Variants in KLF11 observed in about 807,000 individuals in gnomAD.
The protein encoded by KLF11 is Krueppel-like factor 11.
In KLF11, 26 loss-of-function variants were observed where a neutral mutation model predicts 29.9. The observed-to-expected ratio is 0.87, with a 90% CI of 0.64 to 1.21. The LOEUF (loss-of-function observed/expected upper bound fraction) is 1.21, where lower values mean the gene tolerates loss of function less well. Ranked by LOEUF, KLF11 falls within the 50% of genes most tolerant of loss-of-function variation. The pLI is 0.00. For missense variants in KLF11, 778 were observed against 665.7 expected, an observed-to-expected ratio of 1.17 and a Z score of -1.86; for synonymous variants, 318 against 257.4, an observed-to-expected ratio of 1.24 and a Z score of -2.25.
rs761022099 is a variant in KLF11 at position 10,048,586 on chromosome 2, A to G, written c.1249A>G (p.Thr417Ala). The G allele has an allele frequency of 1.2e-6, 2 of 1,601,764 alleles. No individual in the cohort carries two copies. Among genetic ancestry groups the G allele is most frequent in the Admixed American group, 3.3e-5 (2 of 60,016 alleles). ...TTCCCACCTTAAGGCCCATCTTCGC[A>G]CTCACACAGGTAAGCGCTGGGGCAG... ...KSSHLKAHLR[T>A]HTGEKPFNCS... The change falls in exon 3 of 4, where the codon ACT (threonine) becomes GCT (alanine). Residue 417 changes from threonine to alanine, a missense_variant. Thr to Ala is a moderately conservative substitution (Grantham distance 58, BLOSUM62 0). Coordinates refer to ENST00000305883, the MANE Select transcript of KLF11 (RefSeq NM_003597.5).
At position 10,046,252 on chromosome 2, in the gene KLF11, G is replaced by T; in HGVS notation, c.145G>T (p.Glu49Ter). 1 of 1,614,152 alleles carries T rather than the reference G, an allele frequency of 6.2e-7. No individual in the cohort carries two copies. The highest frequency in any genetic ancestry group is 8.5e-7 in the Non-Finnish European group (1 of 1,180,026). ...GGAGCAGACAGACATGGAAGCTGTC[G>T]AGGCTCTTGTTTGTATGAGCTCCTG... The part of the protein sequence containing the change: ...ILEQTDMEAV[E>*]ALVCMSSWGQ... Residue 49 changes from glutamate to a stop codon, truncating the protein, a stop_gained, in exon 2 of 4, where the codon GAG becomes TAG. Transcript: ENST00000305883. LOFTEE classifies it high-confidence loss of function.
intron 3 of KLF11, among the ~76,000 whole-genome samples, chr2:10,049,744 CTT>C (rs903807832): frequency 1.3e-5 from 2 of 152,222 alleles, no homozygotes; most frequent in African/African-American, 4.8e-5. Flanking sequence ...TATAGTCTCC[CTT>C]TGTTTTTTAG....
rs142970758 is a variant in KLF11 at position 10,052,362 on chromosome 2, G to A, written c.1394G>A (p.Arg465His). The A allele has an allele frequency of 1.1e-5, 18 of 1,613,940 alleles. No homozygotes were observed. Among genetic ancestry groups the A allele is most frequent in the Non-Finnish European group, 1.4e-5 (16 of 1,180,032 alleles). The stretch of plus-strand genomic sequence containing the variant: ...CCGGTGTGTGACCGACGTTTCATGC[G>A]CAGTGACCACCTGACGAAGCATGCC... ...VCPVCDRRFM[R>H]SDHLTKHARR... Residue 465 changes from arginine (R) to histidine (H), a missense_variant, in exon 4 of 4, where the codon CGC (arginine) becomes CAC (histidine). Coordinates refer to ENST00000305883, the MANE Select transcript of KLF11 (RefSeq NM_003597.5).
At chr2:10,050,856 T>C (rs566880053) in intron 3 of KLF11, among the ~76,000 whole-genome samples, 2 of 146,484 alleles carry the variant, frequency 1.4e-5, no homozygotes, top group African/African-American at 4.9e-5. Context: ...CTGAAAAATA[T>C]TTAAATTGGA....
chr2:10,048,249 G>T lies in KLF11; in HGVS notation c.912G>T (p.Lys304Asn), dbSNP rs1661283888. The change falls in exon 3 of 4, where the codon AAG becomes AAT. Residue 304 changes from lysine to asparagine, a missense_variant. Coordinates refer to ENST00000305883, the MANE Select transcript of KLF11 (RefSeq NM_003597.5). ...GTAGCATGTTACCAGCTTTTTTGAA[G>T]CCCCCTCCCCAGTTGTCTGTGGGGA... ...GQSSMLPAFL[K>N]PPPQLSVGTV... 2 of 1,612,014 alleles carry T rather than the reference G, an allele frequency of 1.2e-6. No individual in the cohort carries two copies. The highest frequency in any genetic ancestry group is 2.7e-5 in the African/African-American group (2 of 74,892).
rs776292736 is a variant in KLF11, at chr2:10,047,796, G to A, written c.459G>A (p.Ala153=). The A allele has an allele frequency of 2.9e-5, 46 of 1,613,544 alleles. No individual in the cohort carries two copies. Among genetic ancestry groups the A allele is most frequent in the South Asian group, 2.4e-4 (22 of 91,074 alleles). ...TGGCCAGAGCTCTGAGCGGGGGCGC[G>A]GAGAGGGGCTTGCTGGGTTTGGAGC... ...AVVARALSGG[A]ERGLLGLEPV... is the part of the protein sequence containing the mutation. Residue 153 remains alanine (A), a synonymous_variant, in exon 3 of 4, where the codon GCG becomes GCA. Transcript: ENST00000305883.
rs371327904 is a variant in KLF11, at chr2:10,046,200, C to G, written c.93C>G (p.Asp31Glu). The G allele has an allele frequency of 3.7e-6, 6 of 1,614,050 alleles. No individual in the cohort carries two copies. Among genetic ancestry groups the G allele is most frequent in the Non-Finnish European group, 3.4e-6 (4 of 1,180,038 alleles). ...CCATCCTGGAGAGGAAGCGGCATGA[C>G]AGCGAAAGGTCTACTTGCAGCATCT... ...CESILERKRHDSERSTCSILE... is the reference protein window; with the variant it reads ...CESILERKRHESERSTCSILE... Residue 31 changes from aspartate (D) to glutamate (E), a missense_variant, in exon 2 of 4, where the codon GAC becomes GAG. Asp to Glu is a conservative substitution (Grantham distance 45). Coordinates refer to ENST00000305883, the MANE Select transcript of KLF11 (RefSeq NM_003597.5).
rs1202497699 is a variant in KLF11 at position 10,048,180 on chromosome 2, T to C, written c.843T>C (p.Pro281=). 1.9e-6 allele frequency: 3 copies of C among 1,614,116 alleles called. No homozygotes were observed. The highest frequency in any genetic ancestry group is 3.3e-5 in the Admixed American group (2 of 60,014). ...KTTPLISVSV[P]APPVLCQMIP... ...CCCCTCTGATTTCTGTCTCTGTCCC[T>C]GCTCCCCCTGTCCTTTGCCAGATGA... The change falls in exon 3 of 4, where the codon CCT becomes CCC. Residue 281 remains proline (P), a synonymous_variant. Transcript: ENST00000305883.
intron 1 of KLF11, 50 bp from the exon 2 acceptor site, chr2:10,046,100 C>T (rs777622001): frequency 3.1e-6 from 5 of 1,611,184 alleles, no homozygotes; most frequent in Non-Finnish European, 4.2e-6. Flanking sequence ...TCATGGGTGG[C>T]CTCTGTATTT....
chr2:10,048,097 G>T lies in KLF11; in HGVS notation c.760G>T (p.Gly254Cys). The part of the protein sequence containing the change: ...TDKGQQAGWP[G>C]AVQTCSPKNY... ...CAAAGGCCAGCAGGCAGGGTGGCCTGGTGCAGTTCAGACTTGCTCACCAAA... is the reference window on the plus strand; with the variant it reads ...CAAAGGCCAGCAGGCAGGGTGGCCTTGTGCAGTTCAGACTTGCTCACCAAA... Residue 254 changes from glycine to cysteine, a missense_variant, in exon 3 of 4, where the codon GGT (glycine) becomes TGT (cysteine). By Grantham distance (159) the Gly-to-Cys change is radical (BLOSUM62 -3). Coordinates refer to ENST00000305883, the MANE Select transcript of KLF11 (RefSeq NM_003597.5). The T allele has an allele frequency of 6.2e-7, 1 of 1,614,166 alleles. No individual in the cohort carries two copies. Among genetic ancestry groups the T allele is most frequent in the South Asian group, 1.1e-5 (1 of 91,084 alleles).
At chr2:10,044,114 C>T (rs941388220) in intron 1 of KLF11, 4 of 610,600 alleles carry the variant, frequency 6.6e-6, no homozygotes, top group Non-Finnish European at 8.2e-6. Flanking sequence ...ACGCGGCACG[C>T]GGCCTTGGGG....
Position 10,048,357 on chromosome 2 carries a change from G to A in KLF11, c.1020G>A (p.Met340Ile). Residue 340 changes from methionine (M) to isoleucine (I), a missense_variant, in exon 3 of 4, where the codon ATG becomes ATA. Coordinates refer to ENST00000305883, the MANE Select transcript of KLF11 (RefSeq NM_003597.5). ...VGPAVPQGAVMLVLPQGALPP... is the reference protein window; with the variant it reads ...VGPAVPQGAVILVLPQGALPP... ...CTGCTGTGCCTCAGGGAGCTGTGATGTTGGTCCTGCCCCAGGGAGCCCTCC... is the reference window on the plus strand; with the variant it reads ...CTGCTGTGCCTCAGGGAGCTGTGATATTGGTCCTGCCCCAGGGAGCCCTCC... The A allele has an allele frequency of 6.2e-7, 1 of 1,609,872 alleles. No individual in the cohort carries two copies. The highest frequency in any genetic ancestry group is 8.5e-7 in the Non-Finnish European group (1 of 1,177,054).
At chr2:10,046,511 G>A (rs778497523) in intron 2 of KLF11, 92 bp downstream of exon 2, 301 of 1,414,430 alleles carry the variant, frequency 2.1e-4, no homozygotes, top group Non-Finnish European at 2.9e-4. Context: ...GATTCCCTGG[G>A]ATGCTGGCAA....
chr2:10,050,104 A>G (rs1661357648), intron 3 of KLF11, among the ~76,000 whole-genome samples: 1 of 152,204 alleles, frequency 6.6e-6, no homozygotes, highest in Non-Finnish European at 1.5e-5. Flanking sequence ...CATGTTTCCT[A>G]AAGTACTTCC....
chr2:10,047,516 A>G lies in KLF11; in HGVS notation c.313-134A>G, dbSNP rs1661245434. 1.0e-5 allele frequency: 8 copies of G among 803,292 alleles called. No individual in the cohort carries two copies. The South Asian group carries it at 1.2e-4, about 12-fold the overall frequency. 49.8% of individuals were successfully genotyped at this position (803,292 alleles called of 1,614,324 possible). On this transcript the variant is annotated intron_variant, in intron 2 of 3. Coordinates refer to ENST00000305883, the MANE Select transcript of KLF11 (RefSeq NM_003597.5). Reference sequence around the variant, plus strand: ...GCAGAGTGCCTCATGCAGCCTTGAAACCCACTGGGATGTTGAAAACAGGGT... The same window carrying G: ...GCAGAGTGCCTCATGCAGCCTTGAAGCCCACTGGGATGTTGAAAACAGGGT...
In KLF11 at chr2:10,054,628, C is replaced by A. The variant is rs1181017828; in HGVS notation, c.*2121C>A. On this transcript the variant is annotated 3_prime_UTR_variant, in exon 4 of 4. Transcript: ENST00000305883. ...AGCTGGCGGCTCTGGGTGCTGACGG[C>A]CGCTGGAGAGGTGGGCTCCCCTCGT... 1 of 152,788 alleles carries A rather than the reference C, an allele frequency of 6.5e-6. No homozygotes were observed. Among genetic ancestry groups the A allele is most frequent in the East Asian group, 1.9e-4 (1 of 5,192 alleles). The allele number at this position is 152,788 out of a possible 1,614,324, so 9.5% of individuals were successfully genotyped here. A position where few individuals can be genotyped will look rare whatever the true frequency, so the allele number is the denominator to read the frequency against.
chr2:10,053,383 C>T lies in KLF11; in HGVS notation c.*876C>T, dbSNP rs1360049937. 4 of 398,566 alleles carry T rather than the reference C, an allele frequency of 1.0e-5. No homozygotes were observed. Among genetic ancestry groups the T allele is most frequent in the Non-Finnish European group, 1.8e-5 (4 of 226,110 alleles). 24.7% of individuals were successfully genotyped at this position (398,566 alleles called of 1,614,324 possible). On this transcript the variant is annotated 3_prime_UTR_variant, in exon 4 of 4. Transcript: ENST00000305883. The stretch of plus-strand genomic sequence containing the variant: ...AACACCAAAAAAGAAACACTCAAAT[C>T]CAGCTGCTTTGTCAATTGTCAGTTC...
rs748961712 is a variant in KLF11 at position 10,047,876 on chromosome 2, G to T, written c.539G>T (p.Gly180Val). The change falls in exon 3 of 4, where the codon GGG becomes GTG. Residue 180 changes from glycine (G) to valine (V), a missense_variant. Coordinates refer to ENST00000305883, the MANE Select transcript of KLF11 (RefSeq NM_003597.5). ...GGGACTAGCGTGATCCGACACACTGGGGAGAGCCCTGCTGCCTGCTTTCCC... is the reference window on the plus strand; with the variant it reads ...GGGACTAGCGTGATCCGACACACTGTGGAGAGCCCTGCTGCCTGCTTTCCC... ...AKGTSVIRHT[G>V]ESPAACFPTI... 1.2e-5 allele frequency: 19 copies of T among 1,613,828 alleles called. No individual in the cohort carries two copies. The highest frequency in any genetic ancestry group is 8.5e-7 in the Non-Finnish European group (1 of 1,180,026).
intron 1 of KLF11, chr2:10,044,419 T>G: frequency 2.0e-6 from 2 of 985,530 alleles, no homozygotes; most frequent in Non-Finnish European, 2.4e-6. Flanking sequence ...GTGCGGGCAC[T>G]GTGGGCCGGG....
Sources: gnomAD v4.1 joint callset for allele counts (sites outside exome capture counted in the v4.1 genomes callset) on GRCh38, gnomAD v4.1.1 for gene constraint, MANE v1.5 for transcripts, NCBI Gene and HGNC (gene_info 2026-07-23, HGNC 2026-07-21) for gene names.